Variants in ADCY5 observed in about 807,000 individuals in gnomAD.
The protein encoded by ADCY5 is adenylate cyclase 5.
Under a neutral mutation model 119.7 loss-of-function variants are expected in ADCY5, and 30 were observed. The ratio of observed to expected loss-of-function variants is 0.25; its 90% CI spans 0.19 to 0.34. ADCY5 has a LOEUF of 0.34. Ranked by LOEUF, ADCY5 falls within the 10% of genes least tolerant of loss-of-function variation. The pLI is 1.00. For missense variants in ADCY5, 1,324 were observed against 1,775.2 expected (o/e 0.75, Z 4.57); for synonymous variants, 753 against 762.2 (o/e 0.99, Z 0.20).
In ADCY5 at chr3:123,407,765, C is replaced by CA. The variant is rs753730627; in HGVS notation, c.1134+39646dup. Among the ~76,000 whole-genome samples the CA allele has an allele frequency of 7.9e-3, 517 of 65,754 alleles. 77 individuals carry two copies. The highest frequency in any genetic ancestry group is 0.017 in the African/African-American group (272 of 15,980). 43.1% of individuals were successfully genotyped at this position (65,754 alleles called of 152,430 possible). A position where few individuals can be genotyped will look rare whatever the true frequency, so the allele number is the denominator to read the frequency against. On this transcript the variant is annotated intron_variant, in intron 1 of 20. Coordinates refer to ENST00000462833, the MANE Select transcript of ADCY5 (RefSeq NM_183357.3). ...TGGGCAACAGAGTGAGACCCTGTCTCAAAAAAAAAAAAAGTTGCAAAGTGA... is the reference window on the plus strand; with the variant it reads ...TGGGCAACAGAGTGAGACCCTGTCTCAAAAAAAAAAAAAAGTTGCAAAGTGA...
rs544148943 is a variant in ADCY5 at position 123,383,151 on chromosome 3, G to A, written c.1135-30570C>T. ...CCCAGCCCCGTCCTGGTAGGGGTGAGTGGGTAGACAGGGACACACACGTAA... is the reference window on the plus strand; with the variant it reads ...CCCAGCCCCGTCCTGGTAGGGGTGAATGGGTAGACAGGGACACACACGTAA... On this transcript the variant is annotated intron_variant, in intron 1 of 20. Transcript: ENST00000462833. 2.0e-5 allele frequency among the ~76,000 whole-genome samples: 3 copies of A among 152,180 alleles called. No individual in the cohort carries two copies. In the South Asian group the frequency reaches 6.2e-4, roughly 32 times the overall value.
chr3:123,441,621 A>T (rs998265494), intron 1 of ADCY5, among the ~76,000 whole-genome samples: 2 of 152,164 alleles, frequency 1.3e-5, no homozygotes, highest in Admixed American at 1.3e-4. Flanking sequence ...CCCAGCAATA[A>T]CACCTTGCCC....
chr3:123,439,864 G>C (rs748648685), intron 1 of ADCY5, among the ~76,000 whole-genome samples: 1 of 152,184 alleles, frequency 6.6e-6, no homozygotes. Context: ...CTGAAAGAAC[G>C]ACTTAATGAT....
chr3:123,336,815 G>C (rs1942051179), intron 3 of ADCY5, among the ~76,000 whole-genome samples: 1 of 152,170 alleles, frequency 6.6e-6, no homozygotes, highest in Non-Finnish European at 1.5e-5. Flanking sequence ...CTGGACCTTG[G>C]CAAGCGCATT....
chr3:123,330,589 C>T (rs369395368), intron 5 of ADCY5, among the ~76,000 whole-genome samples: 7 of 152,212 alleles, frequency 4.6e-5, no homozygotes, highest in Non-Finnish European at 5.9e-5. Context: ...GGGCCTCACA[C>T]GGCACAGGAT....
chr3:123,287,887 C>T (rs932229521), intron 19 of ADCY5, among the ~76,000 whole-genome samples: 2 of 152,240 alleles, frequency 1.3e-5, no homozygotes, highest in Admixed American at 6.5e-5. Context: ...GCAGATTCTA[C>T]ACTCAGTCCC....
At chr3:123,371,569 C>T (rs1308468295) in intron 1 of ADCY5, among the ~76,000 whole-genome samples, 1 of 152,220 alleles carries the variant, frequency 6.6e-6, no homozygotes, top group African/African-American at 2.4e-5. Flanking sequence ...GCGGCCGGAC[C>T]CAAGCCGGGT....
At chr3:123,433,759 C>G (rs768163231) in intron 1 of ADCY5, among the ~76,000 whole-genome samples, 4 of 152,148 alleles carry the variant, frequency 2.6e-5, no homozygotes, top group Non-Finnish European at 5.9e-5. Flanking sequence ...GCAGCCTCCT[C>G]CCTTCCCTCC....
At chr3:123,441,037 C>T (rs1000332272) in intron 1 of ADCY5, among the ~76,000 whole-genome samples, 12 of 152,216 alleles carry the variant, frequency 7.9e-5, no homozygotes, top group African/African-American at 2.9e-4. Flanking sequence ...GATAAGAGGA[C>T]ACCCTGGAGG....
chr3:123,344,826 C>T (rs545429883), intron 3 of ADCY5, among the ~76,000 whole-genome samples: 2 of 152,168 alleles, frequency 1.3e-5, no homozygotes, highest in African/African-American at 4.8e-5. Flanking sequence ...GGAAAGAGGC[C>T]CCAGAGGGAC....
At position 123,448,581 on chromosome 3, in the gene ADCY5, C is replaced by T; in HGVS notation, c.-36G>A. The T allele has an allele frequency of 3.2e-6, 4 of 1,264,118 alleles. No individual in the cohort carries two copies. The highest frequency in any genetic ancestry group is 4.0e-6 in the Non-Finnish European group (4 of 1,006,782). 78.3% of individuals were successfully genotyped at this position (1,264,118 alleles called of 1,614,324 possible). On this transcript the variant is annotated 5_prime_UTR_variant, in exon 1 of 21. Transcript: ENST00000462833. ...GCCTCGTCGTCTCCTTCCTCCTCCC[C>T]CGGAAGCCGGGCCGGGGGTCTCCAA...
rs909657839 is a variant in ADCY5, at chr3:123,395,930, A to AGAAGGAAGGAAGGAAG, written c.1135-43365_1135-43350dup. Among the ~76,000 whole-genome samples the AGAAGGAAGGAAGGAAG allele has an allele frequency of 1.5e-3, 217 of 146,240 alleles. 3 individuals carry two copies. The highest frequency in any genetic ancestry group is 5.3e-3 in the African/African-American group (209 of 39,674). The stretch of plus-strand genomic sequence containing the variant: ...GAAAGAGAGAAAGAAAGGAGTGGAG[A>AGAAGGAAGGAAGGAAG]GAAGGAAGGAAGGAAGGAGAGACAG... On this transcript the variant is annotated intron_variant, in intron 1 of 20. Transcript: ENST00000462833.
At position 123,286,269 on chromosome 3, in the gene ADCY5, G is replaced by A. The variant is rs897540062; in HGVS notation, c.3657+416C>T. Among the ~76,000 whole-genome samples, 2 of 152,044 alleles carry A rather than the reference G, an allele frequency of 1.3e-5. No homozygotes were observed. Among genetic ancestry groups the A allele is most frequent in the African/African-American group, 4.8e-5 (2 of 41,410 alleles). The stretch of plus-strand genomic sequence containing the variant: ...GGGAGGTACCATCCCAGGGCCAGCA[G>A]CCCCCACTGGCTCTCCTGAGCCAGG... On this transcript the variant is annotated intron_variant, in intron 20 of 20. Coordinates refer to ENST00000462833, the MANE Select transcript of ADCY5 (RefSeq NM_183357.3). The surrounding 1 kb of genome is among the most constrained non-coding windows in gnomAD (Gnocchi z 4.2).
chr3:123,334,143 C>G (rs12634663), intron 3 of ADCY5, among the ~76,000 whole-genome samples: 89,922 of 152,040 alleles, frequency 0.59, 27,199 homozygotes, highest in East Asian at 0.96. Flanking sequence ...TCTAAAAACT[C>G]TCATGTACTG....
At chr3:123,343,607 G>A (rs142740015) in intron 3 of ADCY5, among the ~76,000 whole-genome samples, 244 of 152,290 alleles carry the variant, frequency 1.6e-3, no homozygotes, top group African/African-American at 5.6e-3. Context: ...AGAAGGCTGA[G>A]GCTGACTGAG....
intron 1 of ADCY5, among the ~76,000 whole-genome samples, chr3:123,405,013 C>G (rs1024149368): frequency 6.6e-6 from 1 of 152,256 alleles, no homozygotes; most frequent in Non-Finnish European, 1.5e-5. Context: ...AAACCTGCCC[C>G]CCTTGTTTCA....
Position 123,318,072 on chromosome 3 carries a change from C to T in ADCY5, c.2302G>A (p.Ala768Thr), listed in dbSNP as rs762871040. The T allele has an allele frequency of 1.8e-5, 29 of 1,613,832 alleles. No homozygotes were observed. Among genetic ancestry groups the T allele is most frequent in the Non-Finnish European group, 2.5e-5 (29 of 1,179,966 alleles). The change falls in exon 11 of 21, where the codon GCC becomes ACC. Residue 768 changes from alanine (A) to threonine (T), a missense_variant. Ala to Thr is a moderately conservative substitution (Grantham distance 58, BLOSUM62 0). Around this residue, in one of 6 missense-constraint regions of ADCY5, gnomAD observed 424 missense variants for 546.8 expected, o/e 0.78. Transcript: ENST00000462833. ...DDRFGAYVAC[A>T]SLVFLFICFV... is the part of the protein sequence containing the mutation. ...CAGATGAAGAGGAAGACGAGCGAGGCACACGCCACATAGGCACCAAATCGG... is the reference window on the plus strand; with the variant it reads ...CAGATGAAGAGGAAGACGAGCGAGGTACACGCCACATAGGCACCAAATCGG...
intron 4 of ADCY5, 24 bp from the exon 5 acceptor site, chr3:123,331,040 A>C: frequency 1.3e-6 from 2 of 1,597,334 alleles, no homozygotes; most frequent in Non-Finnish European, 1.7e-6. Flanking sequence ...TAATTTTACA[A>C]ATTAAAAATA....
At chr3:123,408,018 G>A (rs1024656549) in intron 1 of ADCY5, among the ~76,000 whole-genome samples, 8 of 151,886 alleles carry the variant, frequency 5.3e-5, no homozygotes, top group African/African-American at 1.9e-4. Flanking sequence ...TTTTTAAAGC[G>A]TGGTTTTTTA....
Sources: gnomAD v4.1 joint callset for allele counts (sites outside exome capture counted in the v4.1 genomes callset) on GRCh38, gnomAD v4.1.1 for gene constraint, gnomAD v4.1.1 regional missense constraint, Gnocchi (gnomAD v3.1) non-coding constraint, MANE v1.5 for transcripts, NCBI Gene and HGNC (gene_info 2026-07-23, HGNC 2026-07-21) for gene names.